The following EEFSEC variants were observed in gnomAD, a reference collection of about 807,000 sequenced individuals.
The protein encoded by EEFSEC is eukaryotic elongation factor, selenocysteine-tRNA specific.
A neutral mutation model predicts 42.1 loss-of-function variants in EEFSEC; 43 were observed. The ratio of observed to expected loss-of-function variants is 1.02; its 90% CI spans 0.80 to 1.32. The LOEUF (loss-of-function observed/expected upper bound fraction) is 1.32, where lower values mean the gene tolerates loss of function less well. Among genes scored for constraint, EEFSEC ranks in the 40% most tolerant of loss-of-function variants. The pLI is 0.00. For synonymous variants in EEFSEC, 354 were observed against 339.1 expected, an observed-to-expected ratio of 1.04 and a Z score of -0.48; for missense variants, 745 against 803.6, an observed-to-expected ratio of 0.93 and a Z score of 0.88.
intron 1 of EEFSEC, among the ~76,000 whole-genome samples, chr3:128,213,546 G>A (rs1172380055): frequency 2.0e-5 from 3 of 152,024 alleles, no homozygotes; most frequent in African/African-American, 4.8e-5. Flanking sequence ...TGTAGCCCAG[G>A]AACTGCCTTA....
intron 4 of EEFSEC, among the ~76,000 whole-genome samples, chr3:128,270,577 G>T (rs1325444989): frequency 1.3e-5 from 2 of 152,224 alleles, no homozygotes; most frequent in African/African-American, 4.8e-5. Context: ...ATACTGGTAG[G>T]TGTTTTTACT....
intron 4 of EEFSEC, among the ~76,000 whole-genome samples, chr3:128,268,102 C>T (rs938954611): frequency 2.0e-5 from 3 of 152,246 alleles, no homozygotes; most frequent in African/African-American, 7.2e-5. Flanking sequence ...GGAGTAGCCA[C>T]AGAGGTCAGT....
At position 128,313,123 on chromosome 3, in the gene EEFSEC, G is replaced by A. The variant is rs181673629; in HGVS notation, c.787-28110G>A. ...GCACCTGGGATGTTGTAGAATCTGG[G>A]TAGAAACTGGTTTTTCCTATTCCTG... On this transcript the variant is annotated intron_variant, in intron 4 of 6. Transcript: ENST00000254730. Among the ~76,000 whole-genome samples, 13 of 152,292 alleles carry A rather than the reference G, an allele frequency of 8.5e-5. 1 individual carries two copies. Among genetic ancestry groups the A allele is most frequent in the Admixed American group, 7.8e-4 (12 of 15,298 alleles).
intron 5 of EEFSEC, among the ~76,000 whole-genome samples, chr3:128,351,004 G>A (rs114986439): frequency 0.011 from 1,708 of 152,252 alleles, 23 homozygotes; most frequent in African/African-American, 0.039. Context: ...AGTTAACACC[G>A]CATTTTTAAG....
At chr3:128,215,178 G>A (rs2065796838) in intron 1 of EEFSEC, among the ~76,000 whole-genome samples, 1 of 152,092 alleles carries the variant, frequency 6.6e-6, no homozygotes, top group Non-Finnish European at 1.5e-5. Context: ...ACCCTAATTG[G>A]TTCATGGATA....
At chr3:128,264,843 C>T in intron 4 of EEFSEC, 62 bp downstream of exon 4, 1 of 1,549,334 alleles carries the variant, frequency 6.5e-7, no homozygotes, top group Non-Finnish European at 8.7e-7. Context: ...GGGGACTGTC[C>T]CTTTGTCTGT....
Position 128,230,638 on chromosome 3 carries a change from C to T in EEFSEC, c.317-16198C>T, listed in dbSNP as rs180791777. On this transcript the variant is annotated intron_variant, in intron 1 of 6. Coordinates refer to ENST00000254730, the MANE Select transcript of EEFSEC (RefSeq NM_021937.5). ...CAAGTGAGGTTGGTTAGCAAGTATCCATGAGCCTCACACTGCTCTGTTTAT... is the reference window on the plus strand; with the variant it reads ...CAAGTGAGGTTGGTTAGCAAGTATCTATGAGCCTCACACTGCTCTGTTTAT... Among the ~76,000 whole-genome samples, 82 of 152,310 alleles carry T rather than the reference C, an allele frequency of 5.4e-4. No homozygotes were observed. In the East Asian group the frequency reaches 8.3e-3, roughly 15 times the overall value.
chr3:128,175,137 C>T (rs2065335751), intron 1 of EEFSEC, among the ~76,000 whole-genome samples: 2 of 151,758 alleles, frequency 1.3e-5, no homozygotes, highest in South Asian at 4.2e-4. Context: ...CTTCCCACGC[C>T]TCCCCCCGCT....
intron 2 of EEFSEC, among the ~76,000 whole-genome samples, chr3:128,254,613 G>A (rs1205374817): frequency 2.0e-5 from 3 of 152,180 alleles, no homozygotes; most frequent in African/African-American, 4.8e-5. Flanking sequence ...GGAGAGGAGG[G>A]GAAGGAGGTG....
At chr3:128,199,925 C>T (rs151109780) in intron 1 of EEFSEC, among the ~76,000 whole-genome samples, 2 of 152,158 alleles carry the variant, frequency 1.3e-5, no homozygotes, top group Non-Finnish European at 2.9e-5. Flanking sequence ...GTAGAGACAG[C>T]GTTTTGGCAC....
intron 4 of EEFSEC, among the ~76,000 whole-genome samples, chr3:128,283,506 G>A (rs762802738): frequency 4.6e-5 from 7 of 152,272 alleles, no homozygotes; most frequent in Admixed American, 3.3e-4. Context: ...GGCAGCCCAC[G>A]TCTTGTGGAA....
At chr3:128,418,385 AG>A in the EEFSEC span, among the ~76,000 whole-genome samples, 19,685 of 151,918 alleles carry the variant, frequency 0.13, 2,075 homozygotes, top group East Asian at 0.38. Flanking sequence ...TCCCAACAGC[AG>A]GCGGCTCTGC....
At chr3:128,289,770 T>C (rs2066623869) in intron 4 of EEFSEC, among the ~76,000 whole-genome samples, 1 of 152,166 alleles carries the variant, frequency 6.6e-6, no homozygotes, top group Non-Finnish European at 1.5e-5. Context: ...TGTTTGAGGG[T>C]TTTCCTTTAG....
chr3:128,408,097 C>T lies in EEFSEC; in HGVS notation c.1629C>T (p.Ile543=). Residue 543 remains isoleucine, a synonymous_variant, in exon 7 of 7, where the codon ATC becomes ATT. Coordinates refer to ENST00000254730, the MANE Select transcript of EEFSEC (RefSeq NM_021937.5). Reference sequence around the variant, plus strand: ...GCCTCAGCCCCGAGTCCAAGAAGATCCTGACACCCGCCCTCAAGAAGCGGG... The same window carrying T: ...GCCTCAGCCCCGAGTCCAAGAAGATTCTGACACCCGCCCTCAAGAAGCGGG... ...PGGLSPESKK[I]LTPALKKRAR... is the part of the protein sequence containing the mutation. 1 of 1,596,286 alleles carries T rather than the reference C, an allele frequency of 6.3e-7. No homozygotes were observed. The highest frequency in any genetic ancestry group is 2.3e-5 in the East Asian group (1 of 44,082).
chr3:128,168,407 C>T (rs1345864299), intron 1 of EEFSEC, among the ~76,000 whole-genome samples: 1 of 152,108 alleles, frequency 6.6e-6, no homozygotes, highest in Non-Finnish European at 1.5e-5. Flanking sequence ...CCTGGGAGGC[C>T]AGAGGTGAAC....
intron 1 of EEFSEC, among the ~76,000 whole-genome samples, chr3:128,219,844 GACCCAGTGCT>G (rs1184634352): frequency 1.3e-5 from 2 of 151,632 alleles, no homozygotes; most frequent in Admixed American, 6.6e-5. Flanking sequence ...GTGTCCCTGG[GACCCAGTGCT>G]ACCCTACTGT....
chr3:128,181,699 G>A (rs1179121048), intron 1 of EEFSEC, among the ~76,000 whole-genome samples: 1 of 152,214 alleles, frequency 6.6e-6, no homozygotes, highest in Non-Finnish European at 1.5e-5. Context: ...TCACACTGAG[G>A]CTGGGTTTCT....
At chr3:128,209,711 C>T (rs918172197) in intron 1 of EEFSEC, among the ~76,000 whole-genome samples, 6 of 152,144 alleles carry the variant, frequency 3.9e-5, no homozygotes, top group East Asian at 1.9e-4. Context: ...CATATATACA[C>T]GCACACATGC....
At chr3:128,359,781 G>A (rs1443800193) in intron 6 of EEFSEC, among the ~76,000 whole-genome samples, 1 of 152,182 alleles carries the variant, frequency 6.6e-6, no homozygotes, top group Non-Finnish European at 1.5e-5. Flanking sequence ...GGGGAGGTTT[G>A]GATCAGGGGA....
Sources: allele counts gnomAD v4.1 joint callset (sites outside exome capture counted in the v4.1 genomes callset), GRCh38; gene constraint gnomAD v4.1.1; transcripts MANE v1.5; gene names NCBI Gene and HGNC (gene_info 2026-07-23, HGNC 2026-07-21).